The following CPNE2 variants were observed in gnomAD, a reference collection of about 807,000 sequenced individuals.
CPNE2 encodes the protein copine-2.
A neutral mutation model predicts 69.7 loss-of-function variants in CPNE2; 42 were observed. The observed-to-expected ratio is 0.60, with a 90% CI of 0.47 to 0.78. CPNE2 has a LOEUF of 0.78. CPNE2 is among the 30% of genes least tolerant of loss of function. The probability of loss-of-function intolerance (pLI) is 0.00; values close to 1 mark genes in which losing one functional copy is unlikely to be tolerated. For missense variants in CPNE2, 587 were observed against 732.0 expected, an observed-to-expected ratio of 0.80 and a Z score of 2.29; for synonymous variants, 294 against 289.8, an observed-to-expected ratio of 1.01 and a Z score of -0.15.
chr16:57,108,773 C>T (rs1326625564), intron 1 of CPNE2, among the ~76,000 whole-genome samples: 1 of 152,206 alleles, frequency 6.6e-6, no homozygotes, highest in Non-Finnish European at 1.5e-5. Flanking sequence ...AAACAGAAGT[C>T]CTTCGACTGA....
At chr16:57,145,701 A>G (rs57646953) in intron 14 of CPNE2, 8,176 of 240,816 alleles carry the variant, frequency 0.034, 163 homozygotes, top group South Asian at 0.054. Context: ...ATCTGCAACA[A>G]CTCCCACTTT....
intron 5 of CPNE2, among the ~76,000 whole-genome samples, chr16:57,118,531 C>A (rs2069737054): frequency 6.6e-6 from 1 of 151,922 alleles, no homozygotes; most frequent in Non-Finnish European, 1.5e-5. Flanking sequence ...TTTAAAGTAA[C>A]AGTTGCCAGG....
At chr16:57,125,736 T>G in intron 10 of CPNE2, 124 bp from the exon 11 acceptor site, 1 of 1,196,560 alleles carries the variant, frequency 8.4e-7, no homozygotes, top group Non-Finnish European at 1.2e-6. Context: ...GACCATCTTA[T>G]TGTGGGGAGG....
chr16:57,125,935 A>G lies in CPNE2; in HGVS notation c.1003A>G (p.Thr335Ala). 1 of 1,614,138 alleles carries G rather than the reference A, an allele frequency of 6.2e-7. No individual in the cohort carries two copies. Among genetic ancestry groups the G allele is most frequent in the African/African-American group, 1.3e-5 (1 of 75,022 alleles). ...SSLHYINPMG[T>A]NEYLSAIWAV... is the part of the protein sequence containing the mutation. ...TTTGCACTATATCAACCCTATGGGC[A>G]CCAACGAATATCTGTCGGCCATCTG... The change falls in exon 11 of 16, where the codon ACC (threonine) becomes GCC (alanine). Residue 335 changes from threonine to alanine, a missense_variant. Transcript: ENST00000290776.
chr16:57,100,407 G>A (rs553690155), intron 1 of CPNE2, among the ~76,000 whole-genome samples: 41 of 152,234 alleles, frequency 2.7e-4, no homozygotes, highest in Non-Finnish European at 5.6e-4. Context: ...GAACCTGGAT[G>A]TTGTCCTGAG....
intron 1 of CPNE2, among the ~76,000 whole-genome samples, chr16:57,102,058 C>T (rs2069617729): frequency 6.6e-6 from 1 of 151,960 alleles, no homozygotes; most frequent in Admixed American, 6.6e-5. Context: ...GTGATTCCCC[C>T]CATCTCAGCC....
At chr16:57,127,814 G>T in intron 11 of CPNE2, 35 bp from the exon 12 acceptor site, 1 of 1,610,092 alleles carries the variant, frequency 6.2e-7, no homozygotes, top group South Asian at 1.1e-5. Context: ...GTCCTCAGGT[G>T]TCTTACAGTG....
rs921599151 is a variant in CPNE2 at position 57,130,901 on chromosome 16, C to T, written c.1116+2998C>T. Reference sequence around the variant, plus strand: ...GGAGAGGCGTGGAGGTGAATTGAAGCGGGGGTCCCTGAGGTGTGGTTGTGG... The same window carrying T: ...GGAGAGGCGTGGAGGTGAATTGAAGTGGGGGTCCCTGAGGTGTGGTTGTGG... On this transcript the variant is annotated intron_variant, in intron 12 of 15. Coordinates refer to ENST00000290776, the MANE Select transcript of CPNE2 (RefSeq NM_152727.6). The surrounding 1 kb of genome is among the most constrained non-coding windows in gnomAD (Gnocchi z 4.1). Among the ~76,000 whole-genome samples, 4 of 151,972 alleles carry T rather than the reference C, an allele frequency of 2.6e-5. No homozygotes were observed. The highest frequency in any genetic ancestry group is 2.1e-4 in the South Asian group (1 of 4,806).
chr16:57,130,332 C>T lies in CPNE2; in HGVS notation c.1116+2429C>T, dbSNP rs1422682299. The stretch of plus-strand genomic sequence containing the variant: ...GAGCTATGAGTGCACTGCACTCCAG[C>T]CTGGGTGACAGAGTGAGACTCTGTC... On this transcript the variant is annotated intron_variant, in intron 12 of 15. Transcript: ENST00000290776. The surrounding 1 kb of genome is among the most constrained non-coding windows in gnomAD (Gnocchi z 4.1). 3.3e-5 allele frequency among the ~76,000 whole-genome samples: 5 copies of T among 151,822 alleles called. No homozygotes were observed. Among genetic ancestry groups the T allele is most frequent in the South Asian group, 2.1e-4 (1 of 4,814 alleles).
intron 12 of CPNE2, among the ~76,000 whole-genome samples, chr16:57,132,238 C>T (rs2145271911): frequency 6.6e-6 from 1 of 152,332 alleles, no homozygotes; most frequent in Admixed American, 6.5e-5. Context: ...CCAGAGAGAA[C>T]TCCTGCCCCA....
intron 7 of CPNE2, among the ~76,000 whole-genome samples, chr16:57,120,288 T>C (rs1343064880): frequency 7.1e-6 from 1 of 140,182 alleles, no homozygotes; most frequent in Admixed American, 7.0e-5. Context: ...AAAAAAAAAG[T>C]TATAGGCCGG....
rs1378328846 is a variant in CPNE2 at position 57,130,173 on chromosome 16, G to C, written c.1116+2270G>C. On this transcript the variant is annotated intron_variant, in intron 12 of 15. Transcript: ENST00000290776. This position sits in a 1 kb window ranked among gnomAD's most constrained non-coding sequence, Gnocchi z 4.1. ...AGGAGGGTGGATCACAAGGTGAGGA[G>C]TTCGAGACCAGCCTGGCCAACATGG... Among the ~76,000 whole-genome samples, 1 of 152,074 alleles carries C rather than the reference G, an allele frequency of 6.6e-6. No individual in the cohort carries two copies. Among genetic ancestry groups the C allele is most frequent in the East Asian group, 1.9e-4 (1 of 5,142 alleles).
At chr16:57,120,301 G>T (rs1361663370) in intron 7 of CPNE2, among the ~76,000 whole-genome samples, 14 of 151,054 alleles carry the variant, frequency 9.3e-5, no homozygotes, top group African/African-American at 3.4e-4. Flanking sequence ...TAGGCCGGGC[G>T]CGGTGGCTCA....
rs186966202 is a variant in CPNE2 at position 57,096,168 on chromosome 16, T to C, written c.-36+3378T>C. Among the ~76,000 whole-genome samples the C allele has an allele frequency of 4.7e-3, 709 of 152,236 alleles. 2 individuals are homozygous for C. Among genetic ancestry groups the C allele is most frequent in the Non-Finnish European group, 8.9e-3 (608 of 68,004 alleles). Reference sequence around the variant, plus strand: ...AGAATTACGAGCTTGCCCTCTTGAGTCTCTGGAGGGATCTCTGGCTTACCA... The same window carrying C: ...AGAATTACGAGCTTGCCCTCTTGAGCCTCTGGAGGGATCTCTGGCTTACCA... On this transcript the variant is annotated intron_variant, in intron 1 of 15. Transcript: ENST00000290776.
chr16:57,112,453 G>C (rs1187418565), intron 2 of CPNE2, among the ~76,000 whole-genome samples: 1 of 151,598 alleles, frequency 6.6e-6, no homozygotes, highest in African/African-American at 2.4e-5. Flanking sequence ...ACCCAGGCCA[G>C]CCACCCTGGC....
At chr16:57,138,517 C>T (rs975954347) in intron 14 of CPNE2, among the ~76,000 whole-genome samples, 3 of 152,160 alleles carry the variant, frequency 2.0e-5, no homozygotes, top group Admixed American at 2.0e-4. Flanking sequence ...CAGCCCTTTC[C>T]TTCTCTTAGG....
chr16:57,125,956 A>T lies in CPNE2; in HGVS notation c.1024A>T (p.Ile342Phe), dbSNP rs763976532. Residue 342 changes from isoleucine (I) to phenylalanine (F), a missense_variant, in exon 11 of 16, where the codon ATC (isoleucine) becomes TTC (phenylalanine). Coordinates refer to ENST00000290776, the MANE Select transcript of CPNE2 (RefSeq NM_152727.6). ...GGGCACCAACGAATATCTGTCGGCC[A>T]TCTGGGCTGTTGGGCAGATCATTCA... ...PMGTNEYLSAIWAVGQIIQDY... is the reference protein window; with the variant it reads ...PMGTNEYLSAFWAVGQIIQDY... 6.2e-7 allele frequency: 1 copy of T among 1,614,178 alleles called. No homozygotes were observed.
At chr16:57,141,373 C>G (rs1314003964) in intron 14 of CPNE2, 1 of 152,318 alleles carries the variant, frequency 6.6e-6, no homozygotes, top group Non-Finnish European at 1.5e-5. Context: ...ACTTGGTCCT[C>G]CCGGCCTGGG....
chr16:57,098,156 C>T (rs2069590002), intron 1 of CPNE2, among the ~76,000 whole-genome samples: 1 of 152,160 alleles, frequency 6.6e-6, no homozygotes, highest in Non-Finnish European at 1.5e-5. Flanking sequence ...TAAGCGGGCA[C>T]TACAGAGAAT....
Sources: gnomAD v4.1 joint callset for allele counts (sites outside exome capture counted in the v4.1 genomes callset) on GRCh38, gnomAD v4.1.1 for gene constraint, Gnocchi (gnomAD v3.1) non-coding constraint, MANE v1.5 for transcripts, NCBI Gene and HGNC (gene_info 2026-07-23, HGNC 2026-07-21) for gene names.